GRID2: variants seen among roughly 807,000 people sequenced by gnomAD.
GRID2 encodes the protein glutamate receptor ionotropic, delta-2.
In GRID2, 33 loss-of-function variants were observed where a neutral mutation model predicts 114.8. The observed-to-expected ratio is 0.29, with a 90% confidence interval of 0.22 to 0.38. GRID2 has a LOEUF of 0.38. GRID2 is among the 10% of genes least tolerant of loss of function. The pLI, the probability that GRID2 is intolerant of heterozygous loss-of-function variation, is 1.00. For missense variants in GRID2, 1,184 were observed against 1,257.7 expected (o/e 0.94, Z 0.89); for synonymous variants, 505 against 449.9 (o/e 1.12, Z -1.55).
intron 2 of GRID2, among the ~76,000 whole-genome samples, chr4:92,886,058 T>A (rs796846568): frequency 6.6e-6 from 1 of 152,162 alleles, no homozygotes; most frequent in South Asian, 2.1e-4. Context: ...TTTTAATAAA[T>A]GTGGACTTGC....
intron 9 of GRID2, among the ~76,000 whole-genome samples, chr4:93,408,072 A>C (rs1007276749): frequency 2.0e-5 from 3 of 152,148 alleles, no homozygotes; most frequent in African/African-American, 7.2e-5. Flanking sequence ...ACTCAAGAAA[A>C]AAGTATTGAG....
chr4:93,599,136 C>A (rs536131566), intron 13 of GRID2, among the ~76,000 whole-genome samples: 65 of 152,270 alleles, frequency 4.3e-4, no homozygotes, highest in Non-Finnish European at 8.2e-4. Flanking sequence ...TGGTCTGACA[C>A]CGAATAGAGT....
intron 14 of GRID2, among the ~76,000 whole-genome samples, chr4:93,656,859 A>AT (rs1560868898): frequency 3.7e-5 from 5 of 134,862 alleles, no homozygotes; most frequent in South Asian, 4.9e-4. Flanking sequence ...AAAAAAAAAC[A>AT]AATAATTCCA....
chr4:93,237,593 T>C (rs1579383054), intron 7 of GRID2, among the ~76,000 whole-genome samples: 1 of 151,908 alleles, frequency 6.6e-6, no homozygotes, highest in East Asian at 1.9e-4. Context: ...TATTTTAGCA[T>C]TGAAGTGACT....
At chr4:93,018,107 G>A (rs573136921) in intron 2 of GRID2, among the ~76,000 whole-genome samples, 1 of 151,406 alleles carries the variant, frequency 6.6e-6, no homozygotes, top group South Asian at 2.1e-4. Context: ...AGGAAAGAGA[G>A]ATAGATATAA....
intron 2 of GRID2, among the ~76,000 whole-genome samples, chr4:92,879,256 A>G (rs1560663183): frequency 1.3e-5 from 2 of 152,214 alleles, no homozygotes; most frequent in Non-Finnish European, 2.9e-5. Context: ...GCCTCTCCCA[A>G]TCAGGGAAGA....
chr4:93,490,039 G>GAACAGACTATGGA (rs1726831403), intron 11 of GRID2, among the ~76,000 whole-genome samples: 2 of 151,798 alleles, frequency 1.3e-5, no homozygotes, highest in Non-Finnish European at 2.9e-5. Flanking sequence ...GAGAAGAGAA[G>GAACAGACTATGGA]CAGTCTAAGG....
At chr4:92,701,373 G>C (rs1188948323) in intron 2 of GRID2, among the ~76,000 whole-genome samples, 1 of 152,012 alleles carries the variant, frequency 6.6e-6, no homozygotes, top group Non-Finnish European at 1.5e-5. Flanking sequence ...GTGTATACAA[G>C]TGACATGTTT....
At chr4:92,462,212 C>G (rs567353228) in intron 1 of GRID2, among the ~76,000 whole-genome samples, 1 of 152,160 alleles carries the variant, frequency 6.6e-6, no homozygotes, top group South Asian at 2.1e-4. Flanking sequence ...TCTCACATCG[C>G]TAAAATAGAA....
chr4:92,687,653 C>T (rs1018694570), intron 2 of GRID2, among the ~76,000 whole-genome samples: 1 of 151,992 alleles, frequency 6.6e-6, no homozygotes, highest in African/African-American at 2.4e-5. Flanking sequence ...CACGGTGAAA[C>T]CCCATCTCTA....
At chr4:93,731,693 T>G (rs891634475) in intron 14 of GRID2, among the ~76,000 whole-genome samples, 3 of 152,250 alleles carry the variant, frequency 2.0e-5, no homozygotes, top group African/African-American at 7.2e-5. Flanking sequence ...ACCACAGAGC[T>G]TGTGGTATGC....
At chr4:92,823,358 C>G (rs946754972) in intron 2 of GRID2, among the ~76,000 whole-genome samples, 1 of 152,096 alleles carries the variant, frequency 6.6e-6, no homozygotes, top group Admixed American at 6.6e-5. Flanking sequence ...CTGCCAATCC[C>G]TAGCACCCTG....
chr4:92,959,319 A>C (rs1752636011), intron 2 of GRID2, among the ~76,000 whole-genome samples: 1 of 152,000 alleles, frequency 6.6e-6, no homozygotes, highest in African/African-American at 2.4e-5. Flanking sequence ...GTCTCTATAC[A>C]ATCAATGTTA....
chr4:92,598,850 C>T (rs887932483), intron 2 of GRID2, among the ~76,000 whole-genome samples: 6 of 151,912 alleles, frequency 3.9e-5, no homozygotes, highest in Admixed American at 6.6e-5. Context: ...AGTTTTCACC[C>T]GTTTCCAATA....
At chr4:92,929,678 C>T (rs1239884261) in intron 2 of GRID2, among the ~76,000 whole-genome samples, 1 of 150,000 alleles carries the variant, frequency 6.7e-6, no homozygotes, top group African/African-American at 2.4e-5. Flanking sequence ...ATCAAATGCA[C>T]AATTTAAAAC....
At chr4:93,070,371 A>G (rs1270804373) in intron 2 of GRID2, among the ~76,000 whole-genome samples, 1 of 152,110 alleles carries the variant, frequency 6.6e-6, no homozygotes, top group Non-Finnish European at 1.5e-5. Context: ...TCTGCTACTA[A>G]GTTGAAAGGC....
chr4:93,164,589 G>C (rs541499875), intron 4 of GRID2: 1 of 206,616 alleles, frequency 4.8e-6, no homozygotes, highest in East Asian at 1.0e-4. Context: ...GAAGTCAGCT[G>C]TTTTTAGGCT....
chr4:93,202,364 G>T (rs927156306), intron 4 of GRID2, among the ~76,000 whole-genome samples: 1 of 152,008 alleles, frequency 6.6e-6, no homozygotes, highest in Non-Finnish European at 1.5e-5. Flanking sequence ...ATAATGATGT[G>T]CCTAGATATT....
intron 1 of GRID2, among the ~76,000 whole-genome samples, chr4:92,585,732 C>T (rs1401032494): frequency 6.6e-6 from 1 of 151,744 alleles, no homozygotes; most frequent in African/African-American, 2.4e-5. Context: ...ACTATCTTAT[C>T]AGGTAAATAA....
Sources: gnomAD v4.1 joint callset for allele counts (sites outside exome capture counted in the v4.1 genomes callset) on GRCh38, gnomAD v4.1.1 for gene constraint, MANE v1.5 for transcripts, NCBI Gene and HGNC (gene_info 2026-07-23, HGNC 2026-07-21) for gene names.